The following CTNNA3 variants were observed in gnomAD, a reference collection of about 807,000 sequenced individuals.
CTNNA3 encodes catenin alpha 3, also known as catenin alpha-3.
Under a neutral mutation model 95.7 loss-of-function variants are expected in CTNNA3, and 76 were observed. The ratio of observed to expected loss-of-function variants is 0.79; its 90% CI spans 0.66 to 0.96. The LOEUF (loss-of-function observed/expected upper bound fraction) is 0.96. CTNNA3 is among the 40% of genes least tolerant of loss of function. The pLI, the probability that CTNNA3 is intolerant of heterozygous loss-of-function variation, is 0.00. For missense variants in CTNNA3, 1,191 were observed against 1,089.8 expected (o/e 1.09, Z -1.31); for synonymous variants, 431 against 374.4 (o/e 1.15, Z -1.74).
intron 3 of CTNNA3, among the ~76,000 whole-genome samples, chr10:67,564,396 G>GA (rs942099663): frequency 1.4e-5 from 2 of 145,636 alleles, no homozygotes; most frequent in Non-Finnish European, 3.0e-5. Flanking sequence ...CGCAAGGACA[G>GA]AAAACCAAAG....
At chr10:67,131,758 G>A in intron 7 of CTNNA3, among the ~76,000 whole-genome samples, 1 of 152,068 alleles carries the variant, frequency 6.6e-6, no homozygotes, top group East Asian at 1.9e-4. Context: ...CATGTGGCTT[G>A]TAGACATGCA....
chr10:66,033,675 T>C (rs1226291752), intron 15 of CTNNA3, among the ~76,000 whole-genome samples: 2 of 152,068 alleles, frequency 1.3e-5, no homozygotes, highest in South Asian at 2.1e-4. Flanking sequence ...TGTTCCCTTA[T>C]GAAGCTATGT....
intron 17 of CTNNA3, among the ~76,000 whole-genome samples, chr10:65,953,747 G>A (rs1263992890): frequency 6.6e-6 from 1 of 152,134 alleles, no homozygotes. Flanking sequence ...AGTATTCCAT[G>A]GTGTATATGT....
intron 15 of CTNNA3, among the ~76,000 whole-genome samples, chr10:66,014,978 C>T (rs2079066263): frequency 6.6e-6 from 1 of 151,996 alleles, no homozygotes; most frequent in South Asian, 2.1e-4. Flanking sequence ...TGGCGCACGC[C>T]TGTAGTCCCA....
chr10:67,647,962 T>A (rs980018188), intron 1 of CTNNA3, among the ~76,000 whole-genome samples: 1 of 152,162 alleles, frequency 6.6e-6, no homozygotes, highest in Non-Finnish European at 1.5e-5. Flanking sequence ...TTGAAAGACA[T>A]GGGAACAAGT....
intron 7 of CTNNA3, among the ~76,000 whole-genome samples, chr10:66,883,944 T>C (rs897445785): frequency 6.6e-6 from 1 of 152,078 alleles, no homozygotes; most frequent in South Asian, 2.1e-4. Flanking sequence ...ATTTGACTCA[T>C]GATTCTGAAG....
At chr10:66,168,097 C>T (rs2085230011) in intron 13 of CTNNA3, among the ~76,000 whole-genome samples, 1 of 152,168 alleles carries the variant, frequency 6.6e-6, no homozygotes, top group Admixed American at 6.6e-5. Flanking sequence ...GACATGATCT[C>T]ATGCAACATT....
intron 11 of CTNNA3, among the ~76,000 whole-genome samples, chr10:66,409,411 A>T (rs1046352114): frequency 2.6e-5 from 4 of 152,186 alleles, no homozygotes; most frequent in Non-Finnish European, 4.4e-5. Flanking sequence ...CCAAAAAAAA[A>T]AAATGTCTTT....
intron 11 of CTNNA3, among the ~76,000 whole-genome samples, chr10:66,388,102 G>C (rs1418254474): frequency 6.6e-6 from 1 of 151,916 alleles, no homozygotes; most frequent in South Asian, 2.1e-4. Context: ...AGTAGTAAAA[G>C]AAAGAAGAAG....
intron 14 of CTNNA3, among the ~76,000 whole-genome samples, chr10:66,095,721 C>A (rs1216243559): frequency 6.6e-6 from 1 of 151,926 alleles, no homozygotes; most frequent in Non-Finnish European, 1.5e-5. Context: ...CACTAAGAAC[C>A]ATCGCAAGTA....
intron 11 of CTNNA3, among the ~76,000 whole-genome samples, chr10:66,396,658 G>A (rs778238456): frequency 6.6e-6 from 1 of 151,870 alleles, no homozygotes; most frequent in Non-Finnish European, 1.5e-5. Flanking sequence ...TTATGGATGG[G>A]TAGAGTTAGA....
chr10:66,061,744 T>C (rs1227917504), intron 15 of CTNNA3, among the ~76,000 whole-genome samples: 2 of 152,032 alleles, frequency 1.3e-5, no homozygotes, highest in Non-Finnish European at 2.9e-5. Flanking sequence ...ACATACATCA[T>C]CACCTTCCAT....
At chr10:67,060,014 T>C (rs759976871) in intron 7 of CTNNA3, among the ~76,000 whole-genome samples, 3 of 152,056 alleles carry the variant, frequency 2.0e-5, no homozygotes, top group Non-Finnish European at 4.4e-5. Context: ...TGAGGCACGA[T>C]GATAAAAATG....
chr10:66,981,275 G>A (rs1373639424), intron 7 of CTNNA3, among the ~76,000 whole-genome samples: 1 of 152,176 alleles, frequency 6.6e-6, no homozygotes, highest in South Asian at 2.1e-4. Flanking sequence ...AAAAATGAAT[G>A]ATTACATTTA....
rs1275801290 is a variant in CTNNA3 at position 66,634,240 on chromosome 10, A to T, written c.1282-12456T>A. 2.6e-5 allele frequency among the ~76,000 whole-genome samples: 4 copies of T among 152,178 alleles called. No individual in the cohort carries two copies. In the East Asian group the frequency reaches 7.7e-4, roughly 29 times the overall value. ...AATCAAGAAAATTGTATTAATCATG[A>T]CACTTATTGCGAAGCCTGAAGATAC... On this transcript the variant is annotated intron_variant, in intron 9 of 17. Coordinates refer to ENST00000433211, the MANE Select transcript of CTNNA3 (RefSeq NM_013266.4).
chr10:66,586,951 T>C (rs1349227808), intron 10 of CTNNA3, among the ~76,000 whole-genome samples: 5 of 152,170 alleles, frequency 3.3e-5, no homozygotes, highest in Non-Finnish European at 5.9e-5. Context: ...CTACTGCTCC[T>C]CTAGGTCTAG....
chr10:66,096,059 A>T (rs1272648090), intron 14 of CTNNA3, among the ~76,000 whole-genome samples: 1 of 152,184 alleles, frequency 6.6e-6, no homozygotes, highest in East Asian at 1.9e-4. Context: ...ATGAAATATG[A>T]AATGACTATC....
chr10:66,961,261 C>G (rs1329712998), intron 7 of CTNNA3, among the ~76,000 whole-genome samples: 1 of 151,976 alleles, frequency 6.6e-6, no homozygotes, highest in Non-Finnish European at 1.5e-5. Context: ...TCATCTCATT[C>G]TCTCTCTTAC....
rs532726485 is a variant in CTNNA3 at position 66,649,089 on chromosome 10, G to T, written c.1282-27305C>A. Among the ~76,000 whole-genome samples, 8 of 152,100 alleles carry T rather than the reference G, an allele frequency of 5.3e-5. No individual in the cohort carries two copies. The South Asian group carries it at 1.5e-3, about 28-fold the overall frequency. On this transcript the variant is annotated intron_variant, in intron 9 of 17. Coordinates refer to ENST00000433211, the MANE Select transcript of CTNNA3 (RefSeq NM_013266.4). ...GGTAGAAGGAAAATCAGGAGAGTGTGGCATAATAGGTGCCAGAAGAAAAGA... is the reference window on the plus strand; with the variant it reads ...GGTAGAAGGAAAATCAGGAGAGTGTTGCATAATAGGTGCCAGAAGAAAAGA...
Sources: gnomAD v4.1 joint callset for allele counts (sites outside exome capture counted in the v4.1 genomes callset) on GRCh38, gnomAD v4.1.1 for gene constraint, MANE v1.5 for transcripts, NCBI Gene and HGNC (gene_info 2026-07-23, HGNC 2026-07-21) for gene names.